The following TP63 variants were observed in gnomAD, a reference collection of about 807,000 sequenced individuals.
TP63 encodes tumor protein p63.
TP63 carries 17 observed loss-of-function variants against 82.8 expected under a neutral mutation model. The observed-to-expected ratio is 0.21, with a 90% CI of 0.14 to 0.31. TP63 has a LOEUF of 0.31. TP63 is among the 10% of genes least tolerant of loss of function. The pLI, the probability that TP63 is intolerant of heterozygous loss-of-function variation, is 1.00. For synonymous variants in TP63, 330 were observed against 321.7 expected (o/e 1.03, Z -0.28); for missense variants, 648 against 895.3 (o/e 0.72, Z 3.52).
intron 3 of TP63, chr3:189,789,773 A>T (rs1347227858): frequency 6.3e-7 from 1 of 1,585,456 alleles, no homozygotes; most frequent in Admixed American, 1.8e-5. Context: ...AAGAAAGGAC[A>T]GCAGCATTGA....
intron 1 of TP63, among the ~76,000 whole-genome samples, chr3:189,733,422 G>A (rs773781279): frequency 3.9e-5 from 6 of 151,936 alleles, no homozygotes; most frequent in Non-Finnish European, 7.4e-5. Flanking sequence ...ATACTTTTTC[G>A]AATCTCACAC....
chr3:189,847,378 C>T (rs34799513), intron 4 of TP63, among the ~76,000 whole-genome samples: 1 of 151,882 alleles, frequency 6.6e-6, no homozygotes, highest in African/African-American at 2.4e-5. Context: ...AAATAATCAT[C>T]ATCATCATCA....
In TP63 at chr3:189,682,549, AAAAAATATATATATATATATAT is replaced by A. The variant is rs1237548493; in HGVS notation, c.62+50974_62+50995del. Among the ~76,000 whole-genome samples the A allele has an allele frequency of 1.8e-3, 54 of 30,358 alleles. 1 individual carries two copies. The highest frequency in any genetic ancestry group is 3.7e-3 in the African/African-American group (34 of 9,264). The allele number at this position is 30,358 out of a possible 152,430, so 19.9% of individuals were successfully genotyped here. A position where few individuals can be genotyped will look rare whatever the true frequency, so the allele number is the denominator to read the frequency against. On this transcript the variant is annotated intron_variant, in intron 1 of 13. Coordinates refer to ENST00000264731, the MANE Select transcript of TP63 (RefSeq NM_003722.5). ...TGGTCCTAAGGGGAAAAAAAAAAAAAAAAAATATATATATATATATATATATATATATATATATATATATATC... is the reference window on the plus strand; with the variant it reads ...TGGTCCTAAGGGGAAAAAAAAAAAAAATATATATATATATATATATATATC...
chr3:189,780,953 C>G (rs917708415), intron 3 of TP63, among the ~76,000 whole-genome samples: 1 of 152,102 alleles, frequency 6.6e-6, no homozygotes, highest in Non-Finnish European at 1.5e-5. Context: ...GTGGTAAGGG[C>G]TATTTTCTGC....
At chr3:189,646,177 A>T (rs1156408324) in intron 1 of TP63, among the ~76,000 whole-genome samples, 1 of 147,140 alleles carries the variant, frequency 6.8e-6, no homozygotes, top group African/African-American at 2.5e-5. Context: ...TATTGAATTT[A>T]AAAACTTGAA....
In TP63 at chr3:189,669,698, A is replaced by C. The variant is rs12631683; in HGVS notation, c.62+38121A>C. Among the ~76,000 whole-genome samples, 188 of 152,172 alleles carry C rather than the reference A, an allele frequency of 1.2e-3. 2 individuals carry two copies. The East Asian group carries it at 0.032, about 26-fold the overall frequency. On this transcript the variant is annotated intron_variant, in intron 1 of 13. Transcript: ENST00000264731. The stretch of plus-strand genomic sequence containing the variant: ...AGGCTTAAATCTGAAGTGATAATAT[A>C]TGGGCTCTAGGTAGACATTAATAAG...
At chr3:189,824,224 AT>A (rs934668608) in intron 4 of TP63, among the ~76,000 whole-genome samples, 14 of 149,188 alleles carry the variant, frequency 9.4e-5, no homozygotes, top group East Asian at 2.0e-4. Flanking sequence ...TATTATTATT[AT>A]TTTTTTTTTG....
intron 4 of TP63, among the ~76,000 whole-genome samples, chr3:189,826,437 T>C (rs1023022560): frequency 6.6e-6 from 1 of 152,354 alleles, no homozygotes; most frequent in East Asian, 1.9e-4. Context: ...GTATATTTTT[T>C]GTTTTATTTT....
chr3:189,746,074 A>G (rs1482379688), intron 3 of TP63, among the ~76,000 whole-genome samples: 1 of 152,260 alleles, frequency 6.6e-6, no homozygotes, highest in Non-Finnish European at 1.5e-5. Context: ...AACTCTCCAA[A>G]TAGACACAGT....
At chr3:189,735,755 T>C (rs904837748) in intron 1 of TP63, among the ~76,000 whole-genome samples, 3 of 152,210 alleles carry the variant, frequency 2.0e-5, no homozygotes, top group Non-Finnish European at 2.9e-5. Flanking sequence ...TAAAGCATAG[T>C]CTGACTGTGT....
chr3:189,694,954 C>T (rs913530861), intron 1 of TP63, among the ~76,000 whole-genome samples: 3 of 151,142 alleles, frequency 2.0e-5, no homozygotes, highest in Middle Eastern at 3.2e-3. Flanking sequence ...TACACACGCC[C>T]GCCACCACAC....
intron 10 of TP63, among the ~76,000 whole-genome samples, chr3:189,883,835 T>A (rs1007970816): frequency 2.0e-5 from 3 of 150,668 alleles, no homozygotes; most frequent in Non-Finnish European, 4.4e-5. Flanking sequence ...TGATGAAAAA[T>A]GGTAAATGAA....
chr3:189,852,669 C>T (rs1715796039), intron 4 of TP63, among the ~76,000 whole-genome samples: 1 of 152,180 alleles, frequency 6.6e-6, no homozygotes, highest in Admixed American at 6.5e-5. Context: ...CTTGTTCCCA[C>T]CACCTTTGTA....
intron 4 of TP63, among the ~76,000 whole-genome samples, chr3:189,836,014 A>G (rs1378068354): frequency 6.6e-6 from 1 of 151,626 alleles, no homozygotes; most frequent in Non-Finnish European, 1.5e-5. Context: ...CAGACTTCCT[A>G]TCAATGGGTC....
chr3:189,663,743 G>T (rs1714137126), intron 1 of TP63, among the ~76,000 whole-genome samples: 1 of 151,936 alleles, frequency 6.6e-6, no homozygotes, highest in South Asian at 2.1e-4. Flanking sequence ...GGCCAGGCTG[G>T]TGTTGAACTC....
At chr3:189,730,261 G>C (rs1720064724) in intron 1 of TP63, among the ~76,000 whole-genome samples, 1 of 152,126 alleles carries the variant, frequency 6.6e-6, no homozygotes, top group African/African-American at 2.4e-5. Context: ...ACCTTTGAGA[G>C]TCAGTTCCTT....
intron 1 of TP63, among the ~76,000 whole-genome samples, chr3:189,712,574 G>A (rs1718673073): frequency 6.6e-6 from 1 of 152,066 alleles, no homozygotes; most frequent in Non-Finnish European, 1.5e-5. Context: ...TTTTACAAGA[G>A]CACTAATCCC....
At chr3:189,689,379 G>A (rs1244787300) in intron 1 of TP63, among the ~76,000 whole-genome samples, 2 of 151,968 alleles carry the variant, frequency 1.3e-5, no homozygotes, top group Non-Finnish European at 2.9e-5. Context: ...GCCTCCCAAA[G>A]TGCTAGAATT....
At chr3:189,729,483 G>C (rs1199646153) in intron 1 of TP63, among the ~76,000 whole-genome samples, 1 of 152,144 alleles carries the variant, frequency 6.6e-6, no homozygotes, top group Non-Finnish European at 1.5e-5. Context: ...GGAGAAATGA[G>C]TGTTGAAATA....
Sources: allele counts gnomAD v4.1 joint callset (sites outside exome capture counted in the v4.1 genomes callset), GRCh38; gene constraint gnomAD v4.1.1; transcripts MANE v1.5; gene names NCBI Gene and HGNC (gene_info 2026-07-23, HGNC 2026-07-21).